Variants in HECW1 observed in about 807,000 individuals in gnomAD.
HECW1 encodes HECT, C2 and WW domain containing E3 ubiquitin protein ligase 1, also known as E3 ubiquitin-protein ligase HECW1.
A neutral mutation model predicts 182.3 loss-of-function variants in HECW1; 61 were observed. The ratio of observed to expected loss-of-function variants is 0.33; its 90% CI spans 0.27 to 0.41. The LOEUF (loss-of-function observed/expected upper bound fraction) is 0.41, where lower values mean the gene tolerates loss of function less well. Ranked by LOEUF, HECW1 falls within the 10% of genes least tolerant of loss-of-function variation. The pLI is 1.00. For missense variants in HECW1, 1,739 were observed against 2,108.9 expected (o/e 0.82, Z 3.44); for synonymous variants, 859 against 832.6 (o/e 1.03, Z -0.55).
intron 11 of HECW1, 68 bp downstream of exon 11, chr7:43,445,638 T>TA: frequency 8.9e-6 from 13 of 1,460,334 alleles, no homozygotes; most frequent in Non-Finnish European, 1.2e-5. Flanking sequence ...ACCAACAGTT[T>TA]AAAAACAAGA....
intron 3 of HECW1, among the ~76,000 whole-genome samples, chr7:43,309,325 C>T (rs1808211417): frequency 6.6e-6 from 1 of 152,156 alleles, no homozygotes; most frequent in South Asian, 2.1e-4. Context: ...CAAGGGACGG[C>T]TTTGAGGCTG....
At chr7:43,420,852 G>A (rs1413271329) in intron 8 of HECW1, among the ~76,000 whole-genome samples, 1 of 152,130 alleles carries the variant, frequency 6.6e-6, no homozygotes, top group Non-Finnish European at 1.5e-5. Flanking sequence ...ATATTCTTTA[G>A]GTGTCAATTC....
chr7:43,301,230 G>A (rs538649822), intron 3 of HECW1, among the ~76,000 whole-genome samples: 1 of 152,298 alleles, frequency 6.6e-6, no homozygotes, highest in South Asian at 2.1e-4. Context: ...TGCTGAATCT[G>A]GAAGCTCAGC....
intron 5 of HECW1, among the ~76,000 whole-genome samples, chr7:43,356,726 A>G (rs901109481): frequency 1.3e-5 from 2 of 152,256 alleles, no homozygotes; most frequent in African/African-American, 4.8e-5. Flanking sequence ...AAACAAAATC[A>G]TTAACAAGAG....
At chr7:43,493,216 C>G in intron 19 of HECW1, 36 bp downstream of exon 19, 3 of 1,409,766 alleles carry the variant, frequency 2.1e-6, no homozygotes, top group Non-Finnish European at 3.0e-6. Flanking sequence ...AACTCTAGGT[C>G]TTTCCAGCCA....
intron 24 of HECW1, among the ~76,000 whole-genome samples, chr7:43,521,291 A>G (rs1380426723): frequency 2.0e-5 from 3 of 152,202 alleles, no homozygotes; most frequent in African/African-American, 4.8e-5. Flanking sequence ...CACTAGGTAC[A>G]GTAGCACCAC....
intron 20 of HECW1, 77 bp downstream of exon 20, chr7:43,500,859 G>A (rs1475415156): frequency 1.3e-5 from 16 of 1,215,208 alleles, no homozygotes; most frequent in Non-Finnish European, 1.8e-5. Context: ...CCCTGAAAAT[G>A]GCCTAGACTG....
rs536125858 is a variant in HECW1, at chr7:43,408,068, G to A, written c.801+337G>A. Among the ~76,000 whole-genome samples, 26 of 152,258 alleles carry A rather than the reference G, an allele frequency of 1.7e-4. No homozygotes were observed. In the South Asian group the frequency reaches 5.2e-3, roughly 30 times the overall value. On this transcript the variant is annotated intron_variant, in intron 8 of 29. Transcript: ENST00000395891. Reference sequence around the variant, plus strand: ...ATCAGAGCCTTCCAGTTTCTCCACAGCTCTTCCCATGCATGTGATCCTTGA... The same window carrying A: ...ATCAGAGCCTTCCAGTTTCTCCACAACTCTTCCCATGCATGTGATCCTTGA...
At chr7:43,114,027 A>G in intron 1 of HECW1, 130 bp from the exon 2 acceptor site, 2 of 402,146 alleles carry the variant, frequency 5.0e-6, no homozygotes, top group Non-Finnish European at 9.3e-6. Flanking sequence ...CTGACACCAG[A>G]GAGCATGTGG....
intron 24 of HECW1, 86 bp downstream of exon 24, chr7:43,509,207 GT>G: frequency 2.1e-6 from 3 of 1,396,210 alleles, no homozygotes; most frequent in Non-Finnish European, 3.0e-6. Context: ...AAAGGCCACT[GT>G]GTTTAGAGCA....
At chr7:43,308,748 A>G (rs1479179534) in intron 3 of HECW1, among the ~76,000 whole-genome samples, 1 of 151,932 alleles carries the variant, frequency 6.6e-6, no homozygotes, top group Non-Finnish European at 1.5e-5. Flanking sequence ...CAACCTCCCA[A>G]GTAGCTGGGA....
intron 5 of HECW1, among the ~76,000 whole-genome samples, chr7:43,342,534 C>G (rs1295167892): frequency 6.6e-6 from 1 of 151,676 alleles, no homozygotes; most frequent in African/African-American, 2.4e-5. Context: ...CATTATTCTA[C>G]TGTTACTTAA....
intron 2 of HECW1, among the ~76,000 whole-genome samples, chr7:43,230,559 G>A (rs1797792493): frequency 6.6e-6 from 1 of 152,172 alleles, no homozygotes; most frequent in South Asian, 2.1e-4. Context: ...ATAGGACCAT[G>A]TTGAGATTAA....
At chr7:43,176,545 CT>C (rs1792266318) in intron 2 of HECW1, among the ~76,000 whole-genome samples, 1 of 152,170 alleles carries the variant, frequency 6.6e-6, no homozygotes, top group Non-Finnish European at 1.5e-5. Context: ...CCTGAGGTGG[CT>C]GGGGCCTTCA....
At chr7:43,315,162 T>G (rs1039176321) in intron 4 of HECW1, among the ~76,000 whole-genome samples, 7 of 152,220 alleles carry the variant, frequency 4.6e-5, no homozygotes, top group Admixed American at 3.9e-4. Flanking sequence ...GAGGGTGAAG[T>G]GTGGCTGCTG....
chr7:43,280,134 G>A (rs997979410), intron 3 of HECW1, among the ~76,000 whole-genome samples: 1 of 152,180 alleles, frequency 6.6e-6, no homozygotes, highest in Non-Finnish European at 1.5e-5. Flanking sequence ...TCAGGACTAG[G>A]AATTCTTATC....
chr7:43,492,961 A>C lies in HECW1; in HGVS notation c.3341-123A>C, dbSNP rs578122963. On this transcript the variant is annotated intron_variant, in intron 18 of 29. Transcript: ENST00000395891. ...CTCAAGAGCTTGCATTTTTTTGATG[A>C]GTATGCTGCCTGCCCTTCAAACTCC... The C allele has an allele frequency of 5.8e-4, 329 of 563,396 alleles. 1 individual carries two copies. The highest frequency in any genetic ancestry group is 9.9e-5 in the Non-Finnish European group (32 of 322,036). The allele number at this position is 563,396 out of a possible 1,614,324, so 34.9% of individuals were successfully genotyped here.
At chr7:43,469,224 C>T in intron 16 of HECW1, 119 bp downstream of exon 16, 1 of 1,063,250 alleles carries the variant, frequency 9.4e-7, no homozygotes, top group South Asian at 1.5e-5. Context: ...GTGCTATCGG[C>T]CGCCAGCAGT....
rs1307000192 is a variant in HECW1, at chr7:43,445,313, C to G, written c.2141C>G (p.Ala714Gly). 1.2e-6 allele frequency: 2 copies of G among 1,613,640 alleles called. No individual in the cohort carries two copies. Among genetic ancestry groups the G allele is most frequent in the Non-Finnish European group, 1.7e-6 (2 of 1,180,044 alleles). The part of the protein sequence containing the change: ...SPSCYNGNRF[A>G]SHTRFSSVDS... ...TCCTGCTACAACGGCAACAGGTTCG[C>G]CAGCCACACGCGCTTCTCCTCCGTG... Residue 714 changes from alanine (A) to glycine (G), a missense_variant, in exon 11 of 30, where the codon GCC becomes GGC. This residue lies in a region of HECW1 where 971 missense variants were observed against 1,029.1 expected (regional missense o/e 0.94). Transcript: ENST00000395891.
Sources: gnomAD v4.1 joint callset for allele counts (sites outside exome capture counted in the v4.1 genomes callset) on GRCh38, gnomAD v4.1.1 for gene constraint, gnomAD v4.1.1 regional missense constraint, MANE v1.5 for transcripts, NCBI Gene and HGNC (gene_info 2026-07-23, HGNC 2026-07-21) for gene names.